PROSER2: variants seen among roughly 807,000 people sequenced by gnomAD.
PROSER2 encodes the protein proline and serine-rich protein 2.
A neutral mutation model predicts 14.6 loss-of-function variants in PROSER2; 18 were observed. The ratio of observed to expected loss-of-function variants is 1.23; its 90% CI spans 0.85 to 1.83. The LOEUF (loss-of-function observed/expected upper bound fraction) is 1.83. Ranked by LOEUF, PROSER2 falls within the 40% of genes most tolerant of loss-of-function variation. PROSER2 has a pLI of 0.00. For synonymous variants in PROSER2, 367 were observed against 286.4 expected (o/e 1.28, Z -2.84); for missense variants, 823 against 629.8 (o/e 1.31, Z -3.28).
chr10:11,856,224 T>C lies in PROSER2; in HGVS notation c.138+4009T>C, dbSNP rs1251027160. 6.6e-5 allele frequency among the ~76,000 whole-genome samples: 10 copies of C among 152,190 alleles called. No homozygotes were observed. Among genetic ancestry groups the C allele is most frequent in the African/African-American group, 2.2e-4 (9 of 41,452 alleles). On this transcript the variant is annotated intron_variant, in intron 2 of 3. Transcript: ENST00000277570. The surrounding 1 kb of genome is among the most constrained non-coding windows in gnomAD (Gnocchi z 5.3). ...CCATATGTGACAGCTCTCCTCTCCA[T>C]GGCTGCTGCAGGCGGCTCTGGGTGT...
chr10:11,835,018 A>T (rs1335212576), intron 1 of PROSER2, among the ~76,000 whole-genome samples: 1 of 151,492 alleles, frequency 6.6e-6, no homozygotes, highest in African/African-American at 2.4e-5. Context: ...GAGGCAGGAG[A>T]ATTGTTCAAA....
rs112073391 is a variant in PROSER2, at chr10:11,846,767, T to G, written c.-81-5230T>G. 5.4e-3 allele frequency among the ~76,000 whole-genome samples: 823 copies of G among 152,290 alleles called. 12 individuals are homozygous for G. Among genetic ancestry groups the G allele is most frequent in the African/African-American group, 0.019 (785 of 41,540 alleles). ...TTGGTTTGGGTTTTGTTTGTTTGTT[T>G]GTTTTAGAGATGGCCAGCTCTGTCA... On this transcript the variant is annotated intron_variant, in intron 1 of 3. Transcript: ENST00000277570.
At chr10:11,848,392 C>T (rs1588490529) in intron 1 of PROSER2, among the ~76,000 whole-genome samples, 2 of 152,226 alleles carry the variant, frequency 1.3e-5, no homozygotes, top group Admixed American at 6.5e-5. Context: ...TGGTCTCGAA[C>T]TCCTGACCTC....
intron 2 of PROSER2, among the ~76,000 whole-genome samples, chr10:11,857,760 A>AG (rs1834150349): frequency 6.6e-6 from 1 of 150,988 alleles, no homozygotes. Context: ...AAAAAAAAAA[A>AG]AAAAGAAACC....
At position 11,829,481 on chromosome 10, in the gene PROSER2, C is replaced by T. The variant is rs527354136; in HGVS notation, c.-82+6011C>T. Among the ~76,000 whole-genome samples, 6 of 151,790 alleles carry T rather than the reference C, an allele frequency of 4.0e-5. No homozygotes were observed. The South Asian group carries it at 1.2e-3, about 32-fold the overall frequency. On this transcript the variant is annotated intron_variant, in intron 1 of 3. Coordinates refer to ENST00000277570, the MANE Select transcript of PROSER2 (RefSeq NM_153256.4). ...TACCTGTAGACCCAGCTACTCAGGA[C>T]GCTGAGGCAGGAGATGCTTGAGCCC...
intron 1 of PROSER2, among the ~76,000 whole-genome samples, chr10:11,844,189 A>C (rs1206498894): frequency 6.6e-6 from 1 of 152,056 alleles, no homozygotes; most frequent in Non-Finnish European, 1.5e-5. Flanking sequence ...ATAAGGTCTC[A>C]CTATGTTGCC....
At chr10:11,843,713 G>A (rs1468398749) in intron 1 of PROSER2, among the ~76,000 whole-genome samples, 8 of 150,696 alleles carry the variant, frequency 5.3e-5, no homozygotes, top group Admixed American at 1.3e-4. Context: ...TTAGCCCACC[G>A]TGGTGGTGGG....
chr10:11,860,117 G>T (rs1834206066), intron 2 of PROSER2, among the ~76,000 whole-genome samples: 1 of 152,192 alleles, frequency 6.6e-6, no homozygotes, highest in Non-Finnish European at 1.5e-5. Context: ...CCAGGATTAG[G>T]CAGCGGACAG....
chr10:11,860,140 C>T (rs958921132), intron 2 of PROSER2, among the ~76,000 whole-genome samples: 4 of 152,218 alleles, frequency 2.6e-5, no homozygotes, highest in Admixed American at 1.3e-4. Flanking sequence ...CACAGCATGG[C>T]TGGCCCTGCC....
rs1457913600 is a variant in PROSER2 at position 11,869,677 on chromosome 10, G to A, written c.579G>A (p.Thr193=). ...EHPRLLRSVP[T]PLVMAQKISE... ...CCAGACTCCTGCGCTCTGTTCCCAC[G>A]CCCCTCGTTATGGCGCAGAAGATTT... is the stretch of plus-strand genomic sequence containing the variant. The change falls in exon 4 of 4, where the codon ACG becomes ACA. Residue 193 remains threonine (T), a synonymous_variant. Transcript: ENST00000277570. The surrounding 1 kb of genome is among the most constrained non-coding windows in gnomAD (Gnocchi z 4.4). 3 of 1,598,690 alleles carry A rather than the reference G, an allele frequency of 1.9e-6. No individual in the cohort carries two copies. Among genetic ancestry groups the A allele is most frequent in the Admixed American group, 1.7e-5 (1 of 58,324 alleles).
chr10:11,841,678 G>A (rs1833847792), intron 1 of PROSER2, among the ~76,000 whole-genome samples: 1 of 152,132 alleles, frequency 6.6e-6, no homozygotes. Flanking sequence ...ACACACATGG[G>A]TTCTTCCAGT....
At chr10:11,840,587 C>G (rs1833822880) in intron 1 of PROSER2, among the ~76,000 whole-genome samples, 1 of 151,864 alleles carries the variant, frequency 6.6e-6, no homozygotes, top group Admixed American at 6.6e-5. Context: ...TTTCCTTTCT[C>G]ATATATTCTT....
At chr10:11,832,156 A>G (rs373464853) in intron 1 of PROSER2, among the ~76,000 whole-genome samples, 2 of 152,338 alleles carry the variant, frequency 1.3e-5, no homozygotes, top group East Asian at 3.9e-4. Context: ...GAAAAGCAGA[A>G]TCATAGGAAA....
chr10:11,853,100 G>A (rs10795900), intron 2 of PROSER2, among the ~76,000 whole-genome samples: 77,359 of 151,878 alleles, frequency 0.51, 20,173 homozygotes, highest in East Asian at 0.73. Context: ...AGGAACCATT[G>A]GGGGCACCTC....
At chr10:11,854,901 G>T (rs555834351) in intron 2 of PROSER2, among the ~76,000 whole-genome samples, 92 of 151,710 alleles carry the variant, frequency 6.1e-4, no homozygotes, top group Non-Finnish European at 1.1e-3. Context: ...AACTCATCAG[G>T]TCTTTTTTTT....
rs773305225 is a variant in PROSER2, at chr10:11,869,704, C to T, written c.606C>T (p.Ser202=). 7.5e-6 allele frequency: 12 copies of T among 1,596,562 alleles called. No homozygotes were observed. The highest frequency in any genetic ancestry group is 2.3e-5 in the East Asian group (1 of 43,746). ...PTPLVMAQKI[S]ERMAGNEALS... ...CCCTCGTTATGGCGCAGAAGATTTC[C>T]GAGAGGATGGCGGGGAACGAAGCCC... is the stretch of plus-strand genomic sequence containing the variant. The change falls in exon 4 of 4, where the codon TCC becomes TCT. Residue 202 remains serine, a synonymous_variant. Coordinates refer to ENST00000277570, the MANE Select transcript of PROSER2 (RefSeq NM_153256.4). This position sits in a 1 kb window ranked among gnomAD's most constrained non-coding sequence, Gnocchi z 4.4.
intron 2 of PROSER2, among the ~76,000 whole-genome samples, chr10:11,858,694 T>TG (rs1311186229): frequency 6.6e-6 from 1 of 152,170 alleles, no homozygotes; most frequent in East Asian, 1.9e-4. Context: ...TGTCATTTCT[T>TG]GAAGTCAGCA....
At chr10:11,851,051 C>G (rs914993158) in intron 1 of PROSER2, 6 of 152,278 alleles carry the variant, frequency 3.9e-5, no homozygotes, top group African/African-American at 1.4e-4. Context: ...TGACGAAACT[C>G]TGTCTCTACA....
Position 11,869,997 on chromosome 10 carries a change from G to C in PROSER2, c.899G>C (p.Gly300Ala). ...CACGCCGGCGCCTTCCCCGCCGCGG[G>C]GGACGCCGGCGAGGGGGCCCCAGGG... is the stretch of plus-strand genomic sequence containing the variant. The part of the protein sequence containing the change: ...HGHAGAFPAA[G>A]DAGEGAPGGG... The change falls in exon 4 of 4, where the codon GGG becomes GCG. Residue 300 changes from glycine to alanine, a missense_variant. Transcript: ENST00000277570. This position sits in a 1 kb window ranked among gnomAD's most constrained non-coding sequence, Gnocchi z 4.4. The C allele has an allele frequency of 7.9e-7, 1 of 1,260,414 alleles. No individual in the cohort carries two copies. The highest frequency in any genetic ancestry group is 3.4e-5 in the East Asian group (1 of 29,838). The allele number at this position is 1,260,414 out of a possible 1,614,324, so 78.1% of individuals were successfully genotyped here.
Sources: gnomAD v4.1 joint callset for allele counts (sites outside exome capture counted in the v4.1 genomes callset) on GRCh38, gnomAD v4.1.1 for gene constraint, Gnocchi (gnomAD v3.1) non-coding constraint, MANE v1.5 for transcripts, NCBI Gene and HGNC (gene_info 2026-07-23, HGNC 2026-07-21) for gene names.